CRYL1: variants seen among roughly 807,000 people sequenced by gnomAD.
CRYL1 encodes the protein lambda-crystallin homolog.
CRYL1 carries 29 observed loss-of-function variants against 36.6 expected under a neutral mutation model. The ratio of observed to expected loss-of-function variants is 0.79; its 90% CI spans 0.59 to 1.08. The LOEUF is 1.08. Among genes scored for constraint, CRYL1 ranks in the 50% least tolerant of loss-of-function variants. The pLI is 0.00. For missense variants in CRYL1, 411 were observed against 407.9 expected, an observed-to-expected ratio of 1.01 and a Z score of -0.06; for synonymous variants, 152 against 151.5, an observed-to-expected ratio of 1.00 and a Z score of -0.02.
chr13:20,525,651 G>T lies in CRYL1; in HGVS notation c.41+103C>A. 1.0e-6 allele frequency: 1 copy of T among 970,210 alleles called. No homozygotes were observed. The highest frequency in any genetic ancestry group is 1.3e-6 in the Non-Finnish European group (1 of 743,546). The allele number at this position is 970,210 out of a possible 1,614,324, so 60.1% of individuals were successfully genotyped here. On this transcript the variant is annotated intron_variant, in intron 1 of 7. Coordinates refer to ENST00000298248, the MANE Select transcript of CRYL1 (RefSeq NM_015974.3). This position sits in a 1 kb window ranked among gnomAD's most constrained non-coding sequence, Gnocchi z 4.3. ...TTCGGAGGACCGGAGGCCGGGGCGG[G>T]GACAGCGACCCGGCGCCCACCCCGA...
intron 6 of CRYL1, among the ~76,000 whole-genome samples, chr13:20,412,902 G>A (rs1344014776): frequency 6.6e-6 from 1 of 152,152 alleles, no homozygotes; most frequent in East Asian, 1.9e-4. Flanking sequence ...GGTCCCTGTG[G>A]GTTAAGTCAG....
rs551339227 is a variant in CRYL1 at position 20,448,840 on chromosome 13, G to A, written c.277-9086C>T. Among the ~76,000 whole-genome samples, 119 of 138,730 alleles carry A rather than the reference G, an allele frequency of 8.6e-4. No homozygotes were observed. The South Asian group carries it at 0.012, about 15-fold the overall frequency. The allele number at this position is 138,730 out of a possible 152,430, so 91.0% of individuals were successfully genotyped here. On this transcript the variant is annotated intron_variant, in intron 3 of 7. Transcript: ENST00000298248. ...AGAAAGTCTTCAGGTAGAAGAAAACGTGATATCAGACAGAAAATTGGATCT... is the reference window on the plus strand; with the variant it reads ...AGAAAGTCTTCAGGTAGAAGAAAACATGATATCAGACAGAAAATTGGATCT...
At chr13:20,504,302 C>CTTTTTT (rs757657892) in intron 2 of CRYL1, among the ~76,000 whole-genome samples, 178 of 128,444 alleles carry the variant, frequency 1.4e-3, no homozygotes, top group African/African-American at 1.8e-3. Context: ...CTTTTCTTTT[C>CTTTTTT]TTTTTTTTTT....
chr13:20,426,087 G>A (rs142780615), intron 5 of CRYL1, among the ~76,000 whole-genome samples: 1,976 of 152,200 alleles, frequency 0.013, 32 homozygotes, highest in Middle Eastern at 0.044. Context: ...GGGTGGCTGA[G>A]GCTAAGCATG....
chr13:20,461,961 G>A (rs569794724), intron 3 of CRYL1, among the ~76,000 whole-genome samples: 4 of 140,776 alleles, frequency 2.8e-5, no homozygotes, highest in African/African-American at 5.3e-5. Flanking sequence ...GGAGGAGGAG[G>A]TGGGAGGGCA....
chr13:20,404,821 G>T, intron 6 of CRYL1, 80 bp from the exon 7 acceptor site: 1 of 792,220 alleles, frequency 1.3e-6, no homozygotes, highest in Non-Finnish European at 2.1e-6. Flanking sequence ...AATGCATTCA[G>T]AGAGTTTCAC....
At chr13:20,501,852 G>T (rs4770046) in intron 2 of CRYL1, among the ~76,000 whole-genome samples, 1 of 152,096 alleles carries the variant, frequency 6.6e-6, no homozygotes, top group East Asian at 1.9e-4. Flanking sequence ...TCCAGCCCCA[G>T]GGATCACTCT....
chr13:20,429,613 C>T (rs1488036394), intron 5 of CRYL1, among the ~76,000 whole-genome samples: 2 of 152,186 alleles, frequency 1.3e-5, no homozygotes, highest in African/African-American at 2.4e-5. Context: ...AGCACAATCA[C>T]GGTAGGCAAG....
intron 2 of CRYL1, among the ~76,000 whole-genome samples, chr13:20,501,156 C>T (rs772398575): frequency 2.6e-4 from 39 of 152,336 alleles, no homozygotes; most frequent in Non-Finnish European, 5.6e-4. Flanking sequence ...TCTTCCTTGG[C>T]TGTACTCATC....
chr13:20,492,032 A>G (rs1221002779), intron 2 of CRYL1, among the ~76,000 whole-genome samples: 1 of 152,184 alleles, frequency 6.6e-6, no homozygotes, highest in East Asian at 1.9e-4. Flanking sequence ...GGGTCATGAG[A>G]AAAGGTTCCT....
At chr13:20,412,548 AG>A (rs2031551255) in intron 6 of CRYL1, among the ~76,000 whole-genome samples, 2 of 152,158 alleles carry the variant, frequency 1.3e-5, no homozygotes, top group Non-Finnish European at 2.9e-5. Flanking sequence ...TTTTATACAT[AG>A]TTTTAAAATT....
At chr13:20,437,309 A>AT (rs5802073) in intron 4 of CRYL1, among the ~76,000 whole-genome samples, 7,345 of 144,312 alleles carry the variant, frequency 0.051, 244 homozygotes, top group Non-Finnish European at 0.063. Flanking sequence ...AGGAAGATTA[A>AT]TTTTTTTTTT....
intron 3 of CRYL1, among the ~76,000 whole-genome samples, chr13:20,475,693 G>C (rs2033152198): frequency 6.6e-6 from 1 of 152,170 alleles, no homozygotes; most frequent in South Asian, 2.1e-4. Flanking sequence ...AGCCTCAGGA[G>C]GCCTTGGGAA....
chr13:20,522,081 G>A (rs1406645429), intron 1 of CRYL1, among the ~76,000 whole-genome samples: 1 of 152,152 alleles, frequency 6.6e-6, no homozygotes, highest in African/African-American at 2.4e-5. Flanking sequence ...CAGGTGTAGT[G>A]GCTCACGCCT....
chr13:20,480,295 C>T (rs977044028), intron 3 of CRYL1, among the ~76,000 whole-genome samples: 2 of 151,830 alleles, frequency 1.3e-5, no homozygotes, highest in South Asian at 2.1e-4. Flanking sequence ...GCAGGAGAAT[C>T]ACTTGAACCC....
intron 5 of CRYL1, among the ~76,000 whole-genome samples, chr13:20,426,278 A>T (rs2031932990): frequency 2.7e-5 from 2 of 73,828 alleles, no homozygotes; most frequent in South Asian, 6.2e-4. Flanking sequence ...GTCTATCTTT[A>T]TTTAAAAAAA....
chr13:20,496,668 T>C (rs1233031936), intron 2 of CRYL1, among the ~76,000 whole-genome samples: 1 of 78,058 alleles, frequency 1.3e-5, no homozygotes, highest in Non-Finnish European at 2.9e-5. Context: ...CCCAACACTT[T>C]GGGAGGCCGA....
intron 4 of CRYL1, among the ~76,000 whole-genome samples, chr13:20,436,863 C>A (rs2032228938): frequency 6.6e-6 from 1 of 152,020 alleles, no homozygotes; most frequent in African/African-American, 2.4e-5. Flanking sequence ...CAAAGGGCCC[C>A]AAGCAGGGAC....
chr13:20,403,988 AC>A lies in CRYL1; in HGVS notation c.*140del. ...GACGGGCAGACTACCGGCCTGCACC[AC>A]CCCACTCAGGCTGCACACAAGACAG... On this transcript the variant is annotated 3_prime_UTR_variant, in exon 8 of 8. Coordinates refer to ENST00000298248, the MANE Select transcript of CRYL1 (RefSeq NM_015974.3). The A allele has an allele frequency of 1.6e-6, 1 of 643,080 alleles. No homozygotes were observed. The highest frequency in any genetic ancestry group is 2.8e-6 in the Non-Finnish European group (1 of 361,682). The allele number at this position is 643,080 out of a possible 1,614,324, so 39.8% of individuals were successfully genotyped here. A position where few individuals can be genotyped will look rare whatever the true frequency, so the allele number is the denominator to read the frequency against.
Sources: allele counts gnomAD v4.1 joint callset (sites outside exome capture counted in the v4.1 genomes callset), GRCh38; gene constraint gnomAD v4.1.1; non-coding constraint Gnocchi (gnomAD v3.1); transcripts MANE v1.5; gene names NCBI Gene and HGNC (gene_info 2026-07-23, HGNC 2026-07-21).